The following JMJD1C variants were observed in gnomAD, a reference collection of about 807,000 sequenced individuals.
The protein encoded by JMJD1C is jumonji domain-containing protein 1C.
A neutral mutation model predicts 245.3 loss-of-function variants in JMJD1C; 31 were observed. That is an observed-to-expected ratio of 0.13 (90% confidence interval 0.09 to 0.17). The LOEUF is 0.17. Among genes scored for constraint, JMJD1C ranks in the 10% least tolerant of loss-of-function variants. The pLI is 1.00. For missense variants in JMJD1C, 2,691 were observed against 3,000.2 expected, an observed-to-expected ratio of 0.90 and a Z score of 2.41; for synonymous variants, 1,057 against 1,017.4, an observed-to-expected ratio of 1.04 and a Z score of -0.74.
chr10:63,355,711 T>G (rs1423401269), intron 2 of JMJD1C, among the ~76,000 whole-genome samples: 2 of 152,126 alleles, frequency 1.3e-5, no homozygotes, highest in Non-Finnish European at 2.9e-5. Flanking sequence ...TTTGTAGAAG[T>G]TTTATTCTAT....
In JMJD1C at chr10:63,434,873, T is replaced by TGTAAAA. The variant is rs1950977124; in HGVS notation, c.168+30621_168+30622insTTTTAC. 2.0e-5 allele frequency among the ~76,000 whole-genome samples: 3 copies of TGTAAAA among 152,328 alleles called. No individual in the cohort carries two copies. In the South Asian group the frequency reaches 6.2e-4, roughly 32 times the overall value. ...GTTCCCAACAGTTGGAGTGATTAACTTCGTAATTTACAGGGCACTGAAAAA... is the reference window on the plus strand; with the variant it reads ...GTTCCCAACAGTTGGAGTGATTAACTGTAAAATCGTAATTTACAGGGCACTGAAAAA... On this transcript the variant is annotated intron_variant, in intron 1 of 25. Coordinates refer to ENST00000399262, the MANE Select transcript of JMJD1C (RefSeq NM_032776.3).
intron 3 of JMJD1C, among the ~76,000 whole-genome samples, chr10:63,229,093 C>T (rs1424036630): frequency 6.6e-6 from 1 of 151,838 alleles, no homozygotes; most frequent in African/African-American, 2.4e-5. Context: ...ATTAAGGACA[C>T]GATAGATTAA....
At chr10:63,217,134 T>C (rs1395566431) in intron 5 of JMJD1C, 73 bp downstream of exon 5, 58 of 1,286,686 alleles carry the variant, frequency 4.5e-5, no homozygotes, top group African/African-American at 6.0e-5. Flanking sequence ...TATCAAATTG[T>C]TGATGTATTT....
intron 1 of JMJD1C, among the ~76,000 whole-genome samples, chr10:63,495,043 C>T (rs1342937033): frequency 1.3e-5 from 2 of 152,100 alleles, no homozygotes; most frequent in Non-Finnish European, 2.9e-5. Flanking sequence ...TTAACAAAGA[C>T]AGTGACTATG....
At chr10:63,427,695 C>G in intron 1 of JMJD1C, 3 of 1,314,408 alleles carry the variant, frequency 2.3e-6, no homozygotes, top group Non-Finnish European at 3.3e-6. Context: ...CCTGGGTCTC[C>G]TCTAGCTTAT....
At position 63,208,099 on chromosome 10, in the gene JMJD1C, T is replaced by A. The variant is rs1215569425; in HGVS notation, c.3570A>T (p.Thr1190=). ...RNDCRSPTHL[T]VSSTNTLRSM... ...TGCGGAGTGTATTTGTAGAAGAAAC[T>A]GTCAAATGGGTAGGACTCCTACAAT... The change falls in exon 10 of 26, where the codon ACA becomes ACT. Residue 1190 remains threonine (T), a synonymous_variant. Transcript: ENST00000399262. 2 of 1,614,140 alleles carry A rather than the reference T, an allele frequency of 1.2e-6. No individual in the cohort carries two copies. Among genetic ancestry groups the A allele is most frequent in the African/African-American group, 1.3e-5 (1 of 75,046 alleles).
At chr10:63,181,794 A>G (rs1843515726) in intron 22 of JMJD1C, among the ~76,000 whole-genome samples, 1 of 152,234 alleles carries the variant, frequency 6.6e-6, no homozygotes, top group South Asian at 2.1e-4. Context: ...ACAGGGAAAG[A>G]TCTGAACAAA....
At chr10:63,224,464 C>G (rs939020271) in intron 3 of JMJD1C, among the ~76,000 whole-genome samples, 1 of 152,212 alleles carries the variant, frequency 6.6e-6, no homozygotes, top group African/African-American at 2.4e-5. Flanking sequence ...ATTCCTCCCC[C>G]TCGTCTACAT....
chr10:63,465,188 G>A (rs946302904), intron 1 of JMJD1C: 2 of 368,876 alleles, frequency 5.4e-6, no homozygotes, highest in African/African-American at 2.1e-5. Flanking sequence ...GCCTTTCGGG[G>A]AGGTCTCCGT....
At position 63,465,757 on chromosome 10, in the gene JMJD1C, C is replaced by G. The variant is rs747048174; in HGVS notation, c.-95G>C. ...GCCGCTCATGCTGAGGAGAGCGGACCGGGACACAGCAGCGGACCCGAAAGA... is the reference window on the plus strand; with the variant it reads ...GCCGCTCATGCTGAGGAGAGCGGACGGGGACACAGCAGCGGACCCGAAAGA... On this transcript the variant is annotated 5_prime_UTR_variant, in exon 1 of 26. Coordinates refer to ENST00000399262, the MANE Select transcript of JMJD1C (RefSeq NM_032776.3). 47 of 1,422,642 alleles carry G rather than the reference C, an allele frequency of 3.3e-5. No individual in the cohort carries two copies. Among genetic ancestry groups the G allele is most frequent in the South Asian group, 1.2e-4 (10 of 84,796 alleles). 88.1% of individuals were successfully genotyped at this position (1,422,642 alleles called of 1,614,324 possible). A position where few individuals can be genotyped will look rare whatever the true frequency, so the allele number is the denominator to read the frequency against.
chr10:63,340,145 C>T (rs976149396), intron 2 of JMJD1C, among the ~76,000 whole-genome samples: 2 of 152,130 alleles, frequency 1.3e-5, no homozygotes, highest in African/African-American at 4.8e-5. Flanking sequence ...AAAATGACAC[C>T]ACATGTGGGA....
intron 3 of JMJD1C, among the ~76,000 whole-genome samples, chr10:63,262,046 C>T (rs780877327): frequency 2.4e-4 from 36 of 152,134 alleles, no homozygotes; most frequent in Non-Finnish European, 4.0e-4. Context: ...GAAACTGCCT[C>T]ATGAAATTTT....
Position 63,171,314 on chromosome 10 carries a change from C to T in JMJD1C, c.7402-2748G>A, listed in dbSNP as rs77170814. ...TGTACAGGAGTTTCACAGACTGAGTCCCAGTTACCAAGGTAAGATTTGTAA... is the reference window on the plus strand; with the variant it reads ...TGTACAGGAGTTTCACAGACTGAGTTCCAGTTACCAAGGTAAGATTTGTAA... On this transcript the variant is annotated intron_variant, in intron 24 of 25. Coordinates refer to ENST00000399262, the MANE Select transcript of JMJD1C (RefSeq NM_032776.3). 9.1e-3 allele frequency among the ~76,000 whole-genome samples: 1,382 copies of T among 152,226 alleles called. 22 individuals are homozygous for T. Among genetic ancestry groups the T allele is most frequent in the African/African-American group, 0.031 (1,308 of 41,534 alleles).
intron 1 of JMJD1C, among the ~76,000 whole-genome samples, chr10:63,499,818 C>G (rs972179741): frequency 1.3e-5 from 2 of 152,090 alleles, no homozygotes; most frequent in Non-Finnish European, 2.9e-5. Context: ...TACACAATAT[C>G]AAAGAAGACG....
At chr10:63,466,850 G>C (rs574294738), upstream of JMJD1C, among the ~76,000 whole-genome samples, 235 of 152,206 alleles carry the variant, frequency 1.5e-3, 1 homozygote, top group African/African-American at 5.6e-3. Context: ...TCTCTAACTT[G>C]GAACAATCAC....
In JMJD1C at chr10:63,465,659, C is replaced by G; in HGVS notation, c.4G>C (p.Ala2Pro). 5.6e-6 allele frequency: 9 copies of G among 1,608,712 alleles called. No homozygotes were observed. The highest frequency in any genetic ancestry group is 7.6e-6 in the Non-Finnish European group (9 of 1,179,874). M[A>P]VETRAELVGK... The stretch of plus-strand genomic sequence containing the variant: ...ACCAGCTCTGCCCGCGTCTCTACCG[C>G]CATAGCTGTCGCTGCCGAAGCGGCC... The change falls in exon 1 of 26, where the codon GCG becomes CCG. Residue 2 changes from alanine to proline, a missense_variant. Coordinates refer to ENST00000399262, the MANE Select transcript of JMJD1C (RefSeq NM_032776.3).
chr10:63,392,991 G>A (rs979076859), intron 1 of JMJD1C, among the ~76,000 whole-genome samples: 4 of 151,336 alleles, frequency 2.6e-5, no homozygotes, highest in Admixed American at 6.6e-5. Context: ...ATGAGTCCAG[G>A]AGCAGCGGCC....
chr10:63,419,705 G>C (rs1170205860), intron 1 of JMJD1C, among the ~76,000 whole-genome samples: 6 of 151,968 alleles, frequency 3.9e-5, no homozygotes, highest in African/African-American at 1.5e-4. Context: ...TTCCTTTATG[G>C]TCTGCAGTCC....
At chr10:63,295,959 ATGTGTGTGTGTGTGTGTG>A (rs370590868) in intron 2 of JMJD1C, among the ~76,000 whole-genome samples, 10,095 of 89,526 alleles carry the variant, frequency 0.11, 1,315 homozygotes, top group East Asian at 0.17. Context: ...ATACACGTAT[ATGTGTGTGTGTGTGTGTG>A]TGTGTGTGTG....
Sources: gnomAD v4.1 joint callset for allele counts (sites outside exome capture counted in the v4.1 genomes callset) on GRCh38, gnomAD v4.1.1 for gene constraint, MANE v1.5 for transcripts, NCBI Gene and HGNC (gene_info 2026-07-23, HGNC 2026-07-21) for gene names.